Variants in KBTBD12 observed in about 807,000 individuals in gnomAD.
KBTBD12 encodes kelch repeat and BTB domain-containing protein 12.
In KBTBD12, 53 loss-of-function variants were observed where a neutral mutation model predicts 58.7. The ratio of observed to expected loss-of-function variants is 0.90; its 90% CI spans 0.72 to 1.14. The LOEUF is 1.14. KBTBD12 is among the 50% of genes most tolerant of loss of function. The probability of loss-of-function intolerance (pLI) is 0.00; values close to 1 mark genes in which losing one functional copy is unlikely to be tolerated. For missense variants in KBTBD12, 704 were observed against 751.3 expected (o/e 0.94, Z 0.74); for synonymous variants, 236 against 259.8 (o/e 0.91, Z 0.88).
intron 5 of KBTBD12, among the ~76,000 whole-genome samples, chr3:127,974,285 A>G (rs1480692708): frequency 6.6e-6 from 1 of 152,160 alleles, no homozygotes; most frequent in Admixed American, 6.5e-5. Flanking sequence ...AGGCATCTGA[A>G]TCTTTGCTTC....
At chr3:127,977,365 TG>T (rs1940800887) in intron 5 of KBTBD12, among the ~76,000 whole-genome samples, 1 of 152,248 alleles carries the variant, frequency 6.6e-6, no homozygotes, top group Non-Finnish European at 1.5e-5. Flanking sequence ...ATGGAATTGC[TG>T]GGTCGAATGA....
chr3:127,943,367 A>G (rs1451966835), intron 4 of KBTBD12, among the ~76,000 whole-genome samples: 2 of 152,156 alleles, frequency 1.3e-5, no homozygotes, highest in Admixed American at 1.3e-4. Flanking sequence ...TAGCCATCCT[A>G]ACAGGTATGA....
chr3:127,930,971 A>T (rs555199630), intron 4 of KBTBD12, among the ~76,000 whole-genome samples: 1 of 152,212 alleles, frequency 6.6e-6, no homozygotes, highest in African/African-American at 2.4e-5. Flanking sequence ...TCTGCCTAAC[A>T]TTATTCTCTA....
At chr3:127,957,911 G>A (rs1298663871) in intron 4 of KBTBD12, among the ~76,000 whole-genome samples, 1 of 152,184 alleles carries the variant, frequency 6.6e-6, no homozygotes, top group African/African-American at 2.4e-5. Flanking sequence ...CTAAAAAGAG[G>A]GAATGGCCAA....
chr3:127,933,999 C>T (rs1365731361), intron 4 of KBTBD12, among the ~76,000 whole-genome samples: 2 of 151,572 alleles, frequency 1.3e-5, no homozygotes, highest in Admixed American at 6.6e-5. Context: ...ATCCATAATG[C>T]CCAGTACCAA....
intron 5 of KBTBD12, among the ~76,000 whole-genome samples, chr3:127,965,830 T>C (rs1428780152): frequency 5.9e-5 from 9 of 152,056 alleles, no homozygotes; most frequent in Non-Finnish European, 1.3e-4. Context: ...AACAACAATT[T>C]GGAAGCTAAA....
intron 5 of KBTBD12, among the ~76,000 whole-genome samples, chr3:127,975,475 A>G (rs16839641): frequency 0.095 from 14,383 of 152,178 alleles, 994 homozygotes; most frequent in South Asian, 0.22. Flanking sequence ...CTGTTAACCA[A>G]GAAGATACAC....
At chr3:127,916,163 CAAAGA>C (rs60190516) in intron 1 of KBTBD12, among the ~76,000 whole-genome samples, 22 of 152,160 alleles carry the variant, frequency 1.4e-4, no homozygotes, top group African/African-American at 3.9e-4. Flanking sequence ...GTGAACTCGG[CAAAGA>C]AAAGAAAAGA....
rs77736012 is a variant in KBTBD12 at position 127,960,507 on chromosome 3, A to G, written c.1493-2682A>G. On this transcript the variant is annotated intron_variant, in intron 4 of 5. Transcript: ENST00000405109. ...TAAATTAAAGATATGGAGGTATCTC[A>G]TTGAAATTCTACAGATGTACTGATC... Among the ~76,000 whole-genome samples, 27 of 152,346 alleles carry G rather than the reference A, an allele frequency of 1.8e-4. No individual in the cohort carries two copies. In the East Asian group the frequency reaches 5.0e-3, roughly 28 times the overall value.
chr3:127,917,393 A>G (rs185781638), intron 1 of KBTBD12, among the ~76,000 whole-genome samples: 1 of 152,352 alleles, frequency 6.6e-6, no homozygotes, highest in Admixed American at 6.5e-5. Context: ...GGGTACAGCC[A>G]GGTGCACCAC....
intron 4 of KBTBD12, among the ~76,000 whole-genome samples, chr3:127,940,980 C>T (rs1454543982): frequency 6.6e-6 from 1 of 152,116 alleles, no homozygotes; most frequent in Middle Eastern, 3.2e-3. Flanking sequence ...CTTTGAAAAC[C>T]ACAAACTACT....
At chr3:127,927,681 G>T (rs1316518919) in intron 2 of KBTBD12, 83 bp from the exon 3 acceptor site, 13 of 1,033,856 alleles carry the variant, frequency 1.3e-5, no homozygotes, top group Admixed American at 5.4e-5. Context: ...ATTATTTTTG[G>T]TCAGAAAATA....
At chr3:127,968,816 T>C (rs576018894) in intron 5 of KBTBD12, among the ~76,000 whole-genome samples, 17 of 150,980 alleles carry the variant, frequency 1.1e-4, no homozygotes, top group Non-Finnish European at 2.2e-4. Context: ...ATCAATGTAA[T>C]ATGCCGTATT....
rs1195944920 is a variant in KBTBD12 at position 127,923,643 on chromosome 3, T to C, written c.582T>C (p.Ile194=). ...DDLNISREES[I]LDLVLRWVNH... ...TTAACATATCCAGAGAAGAGAGCAT[T>C]CTGGACTTAGTTCTGAGATGGGTAA... The change falls in exon 2 of 6, where the codon ATT becomes ATC. Residue 194 remains isoleucine (I), a synonymous_variant. Transcript: ENST00000405109. 2.5e-6 allele frequency: 4 copies of C among 1,613,784 alleles called. No homozygotes were observed. The South Asian group carries it at 3.3e-5, about 13-fold the overall frequency.
At chr3:127,922,501 G>A (rs990123738) in intron 1 of KBTBD12, among the ~76,000 whole-genome samples, 1 of 152,126 alleles carries the variant, frequency 6.6e-6, no homozygotes, top group Non-Finnish European at 1.5e-5. Context: ...CCCCAGTCAT[G>A]AATTTATGGA....
intron 4 of KBTBD12, among the ~76,000 whole-genome samples, chr3:127,954,895 A>G (rs1465964173): frequency 6.6e-6 from 1 of 152,046 alleles, no homozygotes; most frequent in Non-Finnish European, 1.5e-5. Flanking sequence ...CAAAAATCCC[A>G]TCTCCTTGTA....
chr3:127,960,622 C>T (rs1693779328), intron 4 of KBTBD12, among the ~76,000 whole-genome samples: 1 of 152,138 alleles, frequency 6.6e-6, no homozygotes, highest in African/African-American at 2.4e-5. Context: ...TGATTATTTA[C>T]CTAATCAGGA....
chr3:127,927,836 C>CAG lies in KBTBD12; in HGVS notation c.1144_1145dup (p.Ser382ArgfsTer10). The CAG allele has an allele frequency of 6.2e-7, 1 of 1,610,756 alleles. No individual in the cohort carries two copies. Among genetic ancestry groups the CAG allele is most frequent in the East Asian group, 2.2e-5 (1 of 44,856 alleles). On this transcript the variant is annotated frameshift_variant, in exon 3 of 6. Coordinates refer to ENST00000405109, the MANE Select transcript of KBTBD12 (RefSeq NM_207335.4). LOFTEE classifies it high-confidence loss of function. ...AATTTCGAGAACTCTATGCTCTGGG[C>CAG]AGTATTCATAATGACCTTTATGTTA...
intron 5 of KBTBD12, among the ~76,000 whole-genome samples, chr3:127,974,103 A>T (rs930521103): frequency 6.6e-6 from 1 of 152,228 alleles, no homozygotes; most frequent in African/African-American, 2.4e-5. Flanking sequence ...AGGAATGGAG[A>T]CATTTTACAG....
Sources: allele counts gnomAD v4.1 joint callset (sites outside exome capture counted in the v4.1 genomes callset), GRCh38; gene constraint gnomAD v4.1.1; transcripts MANE v1.5; gene names NCBI Gene and HGNC (gene_info 2026-07-23, HGNC 2026-07-21).